CLRN1: variants seen among roughly 807,000 people sequenced by gnomAD.
The protein encoded by CLRN1 is clarin 1, also known as clarin-1.
Under a neutral mutation model 18.7 loss-of-function variants are expected in CLRN1, and 15 were observed. The ratio of observed to expected loss-of-function variants is 0.80; its 90% CI spans 0.54 to 1.23. The LOEUF is 1.23. CLRN1 is among the 50% of genes most tolerant of loss of function. The pLI, the probability that CLRN1 is intolerant of heterozygous loss-of-function variation, is 0.00. For synonymous variants in CLRN1, 104 were observed against 102.9 expected (o/e 1.01, Z -0.07); for missense variants, 311 against 277.5 (o/e 1.12, Z -0.86).
chr3:150,959,280 A>G (rs550804848), intron 1 of CLRN1, among the ~76,000 whole-genome samples: 3 of 152,302 alleles, frequency 2.0e-5, no homozygotes, highest in South Asian at 2.1e-4. Flanking sequence ...CATTGAAGGC[A>G]CATAAACTCT....
In CLRN1 at chr3:150,926,807, C is replaced by G. The variant is rs1712816902; in HGVS notation, c.*1129G>C. The G allele has an allele frequency of 6.2e-7, 1 of 1,613,852 alleles. No individual in the cohort carries two copies. The highest frequency in any genetic ancestry group is 1.3e-5 in the African/African-American group (1 of 74,842). On this transcript the variant is annotated 3_prime_UTR_variant, in exon 3 of 3. Coordinates refer to ENST00000327047, the MANE Select transcript of CLRN1 (RefSeq NM_174878.3). ...TTCTCTGCTTTTTCCTTGGTGCTTTCTGGAGGACAGCAGGTTGAGGATGAA... is the reference window on the plus strand; with the variant it reads ...TTCTCTGCTTTTTCCTTGGTGCTTTGTGGAGGACAGCAGGTTGAGGATGAA...
chr3:150,930,286 G>A (rs1022365456), intron 2 of CLRN1, among the ~76,000 whole-genome samples: 4 of 152,058 alleles, frequency 2.6e-5, no homozygotes, highest in Non-Finnish European at 5.9e-5. Flanking sequence ...GAGGAGCTAC[G>A]GTGCAAGTGA....
At chr3:150,944,132 A>G in intron 1 of CLRN1, 1 of 476,910 alleles carries the variant, frequency 2.1e-6, no homozygotes, top group Non-Finnish European at 3.9e-6. Context: ...GTTGAGAAGG[A>G]AATCACCCTT....
chr3:150,938,307 A>G (rs1159373545), intron 2 of CLRN1, among the ~76,000 whole-genome samples: 1 of 152,196 alleles, frequency 6.6e-6, no homozygotes, highest in African/African-American at 2.4e-5. Flanking sequence ...AAAGGACCCC[A>G]ATACAGTCTC....
chr3:150,947,363 C>A (rs572413927), intron 1 of CLRN1, among the ~76,000 whole-genome samples: 1 of 152,212 alleles, frequency 6.6e-6, no homozygotes, highest in East Asian at 1.9e-4. Flanking sequence ...TCTAACTATC[C>A]TAAATATATA....
At chr3:150,953,882 A>G (rs183653713) in intron 1 of CLRN1, among the ~76,000 whole-genome samples, 240 of 152,322 alleles carry the variant, frequency 1.6e-3, no homozygotes, top group African/African-American at 4.9e-3. Flanking sequence ...GGAAGGTATT[A>G]TTTTATCCTT....
intron 1 of CLRN1, 117 bp from the exon 2 acceptor site, chr3:150,941,878 T>G: frequency 1.1e-6 from 1 of 924,036 alleles, no homozygotes; most frequent in Non-Finnish European, 1.7e-6. Context: ...ATCCTTCTGA[T>G]GAATACATTC....
chr3:150,951,957 A>G (rs564430144), intron 1 of CLRN1, among the ~76,000 whole-genome samples: 140 of 152,296 alleles, frequency 9.2e-4, no homozygotes, highest in Middle Eastern at 6.8e-3. Context: ...ACTGGGGATT[A>G]CGATTCGACA....
At chr3:150,938,094 G>A (rs148312930) in intron 2 of CLRN1, among the ~76,000 whole-genome samples, 74 of 152,248 alleles carry the variant, frequency 4.9e-4, no homozygotes, top group African/African-American at 1.7e-3. Context: ...AAGGAGCGGG[G>A]AAGCTTAGGG....
chr3:150,930,356 G>T (rs1380753903), intron 2 of CLRN1, among the ~76,000 whole-genome samples: 1 of 152,054 alleles, frequency 6.6e-6, no homozygotes, highest in African/African-American at 2.4e-5. Context: ...GAGATTTGGG[G>T]GTAGGAATGA....
chr3:150,963,327 G>A (rs1209308792), intron 1 of CLRN1, among the ~76,000 whole-genome samples: 2 of 152,080 alleles, frequency 1.3e-5, no homozygotes, highest in Admixed American at 6.5e-5. Flanking sequence ...GCTACAAAGA[G>A]AACAAAATAC....
At chr3:150,965,990 G>T (rs192844717) in intron 1 of CLRN1, among the ~76,000 whole-genome samples, 26 of 152,322 alleles carry the variant, frequency 1.7e-4, no homozygotes, top group African/African-American at 5.5e-4. Context: ...CCAATTGGAG[G>T]ATAAGTTCTG....
intron 1 of CLRN1, among the ~76,000 whole-genome samples, chr3:150,965,887 C>G (rs1423406706): frequency 6.6e-6 from 1 of 152,204 alleles, no homozygotes; most frequent in Non-Finnish European, 1.5e-5. Flanking sequence ...AAGATAGTTA[C>G]TAGGGGAAGG....
intron 1 of CLRN1, among the ~76,000 whole-genome samples, chr3:150,971,944 T>C (rs1210448474): frequency 6.6e-6 from 1 of 152,190 alleles, no homozygotes; most frequent in Non-Finnish European, 1.5e-5. Flanking sequence ...TATAGCCAAA[T>C]GATTCCAAAT....
At chr3:150,932,994 A>G (rs6794008) in intron 2 of CLRN1, among the ~76,000 whole-genome samples, 40,016 of 152,184 alleles carry the variant, frequency 0.26, 5,392 homozygotes, top group South Asian at 0.38. Flanking sequence ...AGTTTTACAA[A>G]TGTTATATTA....
At chr3:150,931,435 A>T (rs1055461661) in intron 2 of CLRN1, among the ~76,000 whole-genome samples, 1 of 152,170 alleles carries the variant, frequency 6.6e-6, no homozygotes, top group African/African-American at 2.4e-5. Context: ...AAGTCAATAG[A>T]ACATACCCAT....
rs767244695 is a variant in CLRN1, at chr3:150,941,728, C to T, written c.287G>A (p.Ser96Asn). 1 of 1,614,020 alleles carries T rather than the reference C, an allele frequency of 6.2e-7. No homozygotes were observed. The highest frequency in any genetic ancestry group is 8.5e-7 in the Non-Finnish European group (1 of 1,179,924). Reference protein sequence around the residue: ...FPDLLKAIPVSIHVNVILFSA... With the variant: ...FPDLLKAIPVNIHVNVILFSA... ...GAAGAGAATGACATTGACGTGGATGCTCACTGGGATTGCTTTGAGCAAATC... is the reference window on the plus strand; with the variant it reads ...GAAGAGAATGACATTGACGTGGATGTTCACTGGGATTGCTTTGAGCAAATC... The change falls in exon 2 of 3, where the codon AGC becomes AAC. Residue 96 changes from serine to asparagine, a missense_variant. Coordinates refer to ENST00000327047, the MANE Select transcript of CLRN1 (RefSeq NM_174878.3).
In CLRN1 at chr3:150,927,433, T is replaced by C. The variant is rs1311138208; in HGVS notation, c.*503A>G. 2 of 452,010 alleles carry C rather than the reference T, an allele frequency of 4.4e-6. No individual in the cohort carries two copies. Among genetic ancestry groups the C allele is most frequent in the Non-Finnish European group, 8.9e-6 (2 of 225,756 alleles). 28.0% of individuals were successfully genotyped at this position (452,010 alleles called of 1,614,324 possible). A position where few individuals can be genotyped will look rare whatever the true frequency, so the allele number is the denominator to read the frequency against. The stretch of plus-strand genomic sequence containing the variant: ...AGTCACCACGCCTGGCCTAAGAGTA[T>C]ACTTTAAACAAATTTTTTAAAATGT... On this transcript the variant is annotated 3_prime_UTR_variant, in exon 3 of 3. Transcript: ENST00000327047.
chr3:150,937,419 T>G (rs1456132), intron 2 of CLRN1, among the ~76,000 whole-genome samples: 50,426 of 152,018 alleles, frequency 0.33, 8,610 homozygotes, highest in South Asian at 0.4. Context: ...CAAATTAGAA[T>G]GACTCCAGAG....
Sources: allele counts gnomAD v4.1 joint callset (sites outside exome capture counted in the v4.1 genomes callset), GRCh38; gene constraint gnomAD v4.1.1; transcripts MANE v1.5; gene names NCBI Gene and HGNC (gene_info 2026-07-23, HGNC 2026-07-21).